The following NPAS3 variants were observed in gnomAD, a reference collection of about 807,000 sequenced individuals.
The protein encoded by NPAS3 is neuronal PAS domain protein 3.
NPAS3 carries 14 observed loss-of-function variants against 73.1 expected under a neutral mutation model. That is an observed-to-expected ratio of 0.19 (90% CI 0.13 to 0.30). The LOEUF (loss-of-function observed/expected upper bound fraction) is 0.30, where lower values mean the gene tolerates loss of function less well. Ranked by LOEUF, NPAS3 falls within the 10% of genes least tolerant of loss-of-function variation. The pLI is 1.00. For synonymous variants in NPAS3, 620 were observed against 541.5 expected, an observed-to-expected ratio of 1.14 and a Z score of -2.01; for missense variants, 1,096 against 1,250.0, an observed-to-expected ratio of 0.88 and a Z score of 1.86.
intron 3 of NPAS3, among the ~76,000 whole-genome samples, chr14:33,289,030 G>A (rs2041988795): frequency 6.6e-6 from 1 of 152,174 alleles, no homozygotes; most frequent in Non-Finnish European, 1.5e-5. Flanking sequence ...GTGTAACTAT[G>A]TGTTTCCCAA....
At chr14:33,014,297 A>T (rs183580272) in intron 1 of NPAS3, among the ~76,000 whole-genome samples, 2 of 152,324 alleles carry the variant, frequency 1.3e-5, no homozygotes, top group East Asian at 1.9e-4. Flanking sequence ...TTGTTCAAAG[A>T]TTCTATTTCA....
At chr14:33,488,832 C>T (rs1447156667) in intron 4 of NPAS3, among the ~76,000 whole-genome samples, 3 of 152,104 alleles carry the variant, frequency 2.0e-5, no homozygotes, top group East Asian at 1.9e-4. Flanking sequence ...CCCATTGATA[C>T]TATATCTATT....
At chr14:33,768,182 T>G (rs2062526393) in intron 7 of NPAS3, among the ~76,000 whole-genome samples, 2 of 152,242 alleles carry the variant, frequency 1.3e-5, no homozygotes, top group African/African-American at 4.8e-5. Flanking sequence ...TCACTGTTGC[T>G]GGCATCCGGG....
chr14:33,267,196 A>T (rs78303507), intron 3 of NPAS3, among the ~76,000 whole-genome samples: 1 of 152,202 alleles, frequency 6.6e-6, no homozygotes, highest in Non-Finnish European at 1.5e-5. Flanking sequence ...GAAGCTGGGC[A>T]TATCAAGGTC....
Position 33,571,664 on chromosome 14 carries a change from G to A in NPAS3, c.558+11454G>A, listed in dbSNP as rs375844885. Among the ~76,000 whole-genome samples, 69 of 152,292 alleles carry A rather than the reference G, an allele frequency of 4.5e-4. 1 individual carries two copies. Among genetic ancestry groups the A allele is most frequent in the African/African-American group, 1.5e-3 (64 of 41,552 alleles). On this transcript the variant is annotated intron_variant, in intron 5 of 11. Coordinates refer to ENST00000356141, the Ensembl canonical transcript of NPAS3. Reference sequence around the variant, plus strand: ...TGCAAAAGGAGGCTGCTTAGATGGCGTCCCTAGCAATTGCCTGCTAAGACT... The same window carrying A: ...TGCAAAAGGAGGCTGCTTAGATGGCATCCCTAGCAATTGCCTGCTAAGACT...
intron 4 of NPAS3, among the ~76,000 whole-genome samples, chr14:33,417,026 A>G (rs2138977948): frequency 6.6e-6 from 1 of 152,064 alleles, no homozygotes; most frequent in East Asian, 1.9e-4. Context: ...TATGATTCTT[A>G]TTAGGGAAAC....
intron 2 of NPAS3, among the ~76,000 whole-genome samples, chr14:33,128,154 T>G (rs925329091): frequency 2.0e-5 from 3 of 152,178 alleles, no homozygotes; most frequent in African/African-American, 7.2e-5. Context: ...GAACCTCACT[T>G]AAATCCCAGT....
upstream of NPAS3, among the ~76,000 whole-genome samples, chr14:32,938,485 TTG>T (rs1491209861): frequency 4.1e-4 from 9 of 21,776 alleles, 1 homozygote; most frequent in South Asian, 3.8e-3. Flanking sequence ...GAGAGAGAAA[TTG>T]AGAGAGAGAG....
intron 3 of NPAS3, among the ~76,000 whole-genome samples, chr14:33,221,877 A>C (rs1024336371): frequency 1.3e-5 from 2 of 152,096 alleles, no homozygotes; most frequent in African/African-American, 4.8e-5. Context: ...CTCGCCTATC[A>C]CAAGGGTCAT....
intron 6 of NPAS3, among the ~76,000 whole-genome samples, chr14:33,734,714 A>G (rs1249868114): frequency 1.3e-5 from 2 of 152,190 alleles, no homozygotes; most frequent in Non-Finnish European, 2.9e-5. Context: ...GGGTGAGGAC[A>G]TTGGTCAGGA....
chr14:33,518,310 G>C (rs2053398076), intron 4 of NPAS3, among the ~76,000 whole-genome samples: 1 of 152,062 alleles, frequency 6.6e-6, no homozygotes, highest in African/African-American at 2.4e-5. Context: ...GGGAGAGATA[G>C]GAGTCAGTTC....
chr14:33,066,928 G>A (rs1210234097), intron 2 of NPAS3, among the ~76,000 whole-genome samples: 1 of 152,182 alleles, frequency 6.6e-6, no homozygotes, highest in African/African-American at 2.4e-5. Flanking sequence ...GAAAAGGAAA[G>A]AACATGCTCC....
chr14:32,963,412 G>A (rs755237059), intron 1 of NPAS3, among the ~76,000 whole-genome samples: 2 of 152,188 alleles, frequency 1.3e-5, no homozygotes, highest in Non-Finnish European at 2.9e-5. Context: ...AAAAAGAAGG[G>A]AAAAACTTTG....
chr14:33,538,653 T>C (rs567813039), intron 4 of NPAS3, among the ~76,000 whole-genome samples: 1 of 152,316 alleles, frequency 6.6e-6, no homozygotes, highest in Admixed American at 6.5e-5. Flanking sequence ...TGACAAGTAT[T>C]TGGAAAAGAT....
chr14:33,263,070 G>T (rs936313663), intron 3 of NPAS3, among the ~76,000 whole-genome samples: 6 of 152,176 alleles, frequency 3.9e-5, no homozygotes, highest in African/African-American at 1.2e-4. Flanking sequence ...TCTATAGGTT[G>T]CCTGTTCACT....
chr14:33,215,371 G>A (rs2047182535), exon 3 of NPAS3: 1 of 1,613,394 alleles, frequency 6.2e-7, no homozygotes, highest in African/African-American at 1.3e-5. Flanking sequence ...CTAACCAGGG[G>A]GACCCTCCGT....
At chr14:33,249,145 C>T (rs937682187) in intron 3 of NPAS3, among the ~76,000 whole-genome samples, 19 of 151,920 alleles carry the variant, frequency 1.3e-4, no homozygotes, top group East Asian at 5.8e-4. Context: ...TTAAAATTTT[C>T]GAAGATTAGA....
intron 4 of NPAS3, among the ~76,000 whole-genome samples, chr14:33,382,702 T>A (rs1304796546): frequency 1.3e-5 from 2 of 152,172 alleles, no homozygotes; most frequent in Non-Finnish European, 2.9e-5. Flanking sequence ...AAGGTGCAGG[T>A]GTAGAGACAG....
rs143379959 is a variant in NPAS3, at chr14:33,002,148, T to C, written c.51-53757T>C. Among the ~76,000 whole-genome samples the C allele has an allele frequency of 2.1e-3, 317 of 152,374 alleles. 4 individuals are homozygous for C. In the South Asian group the frequency reaches 0.024, roughly 11 times the overall value. ...TCACTTCTCTGGGTGCTTAGACTTA[T>C]CTAGCCTCGTTCTGCTATAAAAATG... is the stretch of plus-strand genomic sequence containing the variant. On this transcript the variant is annotated intron_variant, in intron 1 of 11. Transcript: ENST00000356141.
Sources: gnomAD v4.1 joint callset for allele counts (sites outside exome capture counted in the v4.1 genomes callset) on GRCh38, gnomAD v4.1.1 for gene constraint, MANE v1.5 for transcripts, NCBI Gene and HGNC (gene_info 2026-07-23, HGNC 2026-07-21) for gene names.